SGCD: variants seen among roughly 807,000 people sequenced by gnomAD.
SGCD encodes the protein delta-sarcoglycan.
In SGCD, 18 loss-of-function variants were observed where a neutral mutation model predicts 36.6. The observed-to-expected ratio is 0.49, with a 90% CI of 0.34 to 0.73. The LOEUF is 0.73. Among genes scored for constraint, SGCD ranks in the 30% least tolerant of loss-of-function variants. SGCD has a pLI of 0.01. For synonymous variants in SGCD, 133 were observed against 130.6 expected (o/e 1.02, Z -0.12); for missense variants, 387 against 346.7 (o/e 1.12, Z -0.92).
intron 3 of SGCD, among the ~76,000 whole-genome samples, chr5:156,378,500 T>C (rs577883826): frequency 6.6e-6 from 1 of 152,160 alleles, no homozygotes; most frequent in Non-Finnish European, 1.5e-5. Context: ...GTTGTGTATT[T>C]TACCACAGTT....
At chr5:156,600,955 G>T (rs1761166026) in intron 6 of SGCD, among the ~76,000 whole-genome samples, 1 of 152,016 alleles carries the variant, frequency 6.6e-6, no homozygotes, top group Non-Finnish European at 1.5e-5. Flanking sequence ...TTGAACATTG[G>T]TATGTTTTTG....
At chr5:156,081,657 G>A (rs1236014267) in intron 1 of SGCD, among the ~76,000 whole-genome samples, 1 of 152,104 alleles carries the variant, frequency 6.6e-6, no homozygotes, top group Admixed American at 6.6e-5. Context: ...CCCCCACAAA[G>A]TGCCAGGATT....
chr5:155,915,604 T>A (rs1251041066), intron 1 of SGCD, among the ~76,000 whole-genome samples: 1 of 152,194 alleles, frequency 6.6e-6, no homozygotes, highest in East Asian at 1.9e-4. Context: ...TTTATACTCT[T>A]AAAAATTGAT....
chr5:155,918,745 C>T (rs1376398684), intron 1 of SGCD, among the ~76,000 whole-genome samples: 1 of 152,144 alleles, frequency 6.6e-6, no homozygotes, highest in Non-Finnish European at 1.5e-5. Flanking sequence ...CTGCCAATAG[C>T]CATTGGATTT....
At chr5:155,915,255 G>A (rs556776916) in intron 1 of SGCD, among the ~76,000 whole-genome samples, 3 of 152,198 alleles carry the variant, frequency 2.0e-5, no homozygotes, top group South Asian at 4.2e-4. Context: ...CAGATGTACT[G>A]TATATCTGTT....
rs376292546 is a variant in SGCD at position 156,243,670 on chromosome 5, C to T, written c.-43-85864C>T. Among the ~76,000 whole-genome samples, 12 of 152,278 alleles carry T rather than the reference C, an allele frequency of 7.9e-5. No individual in the cohort carries two copies. In the East Asian group the frequency reaches 2.3e-3, roughly 29 times the overall value. ...CAAATATTGATTTCTATATTCCTGT[C>T]TTTGCTGAAAGAACTAGGGGTCCCT... On this transcript the variant is annotated intron_variant, in intron 3 of 9. Transcript: ENST00000517913.
At chr5:156,318,893 G>A (rs1767590031) in intron 3 of SGCD, among the ~76,000 whole-genome samples, 1 of 152,152 alleles carries the variant, frequency 6.6e-6, no homozygotes, top group East Asian at 1.9e-4. Flanking sequence ...ACCGCATTTG[G>A]CCTCTTGGAT....
chr5:156,251,897 C>T (rs1402700175), intron 3 of SGCD, among the ~76,000 whole-genome samples: 1 of 152,082 alleles, frequency 6.6e-6, no homozygotes, highest in Non-Finnish European at 1.5e-5. Flanking sequence ...CTATAGTACT[C>T]CTCATTAACC....
chr5:156,133,395 A>C (rs1762373899), intron 3 of SGCD, among the ~76,000 whole-genome samples: 1 of 152,164 alleles, frequency 6.6e-6, no homozygotes, highest in South Asian at 2.1e-4. Context: ...TTTTTCACTT[A>C]TATATTCCAG....
chr5:155,828,821 G>A, the SGCD span, among the ~76,000 whole-genome samples: 1 of 151,972 alleles, frequency 6.6e-6, no homozygotes, highest in South Asian at 2.1e-4. Flanking sequence ...CAAGTAGCTG[G>A]GATGACAGGC....
chr5:156,147,634 T>A (rs1762735851), intron 3 of SGCD, among the ~76,000 whole-genome samples: 1 of 152,240 alleles, frequency 6.6e-6, no homozygotes, highest in South Asian at 2.1e-4. Context: ...ATCAGCTATC[T>A]TTATAATGCA....
At chr5:156,063,575 G>T (rs1466685548) in intron 1 of SGCD, among the ~76,000 whole-genome samples, 1 of 107,290 alleles carries the variant, frequency 9.3e-6, no homozygotes, top group Admixed American at 9.0e-5. Context: ...AGCATGGAAT[G>T]TTCTTCCATT....
At chr5:155,788,029 T>C in the SGCD span, among the ~76,000 whole-genome samples, 1 of 152,196 alleles carries the variant, frequency 6.6e-6, no homozygotes, top group African/African-American at 2.4e-5. Flanking sequence ...TTTAGAAAAC[T>C]TGCCTACCTT....
chr5:156,396,418 A>G (rs1053034538), intron 3 of SGCD, among the ~76,000 whole-genome samples: 4 of 152,098 alleles, frequency 2.6e-5, no homozygotes, highest in Non-Finnish European at 4.4e-5. Context: ...TTTTATTTAT[A>G]TATGTAGTTT....
intron 1 of SGCD, among the ~76,000 whole-genome samples, chr5:156,074,945 C>T (rs755680840): frequency 6.6e-6 from 1 of 152,226 alleles, no homozygotes; most frequent in Non-Finnish European, 1.5e-5. Context: ...CAGCTTCTAA[C>T]TTCAGTCATC....
intron 3 of SGCD, among the ~76,000 whole-genome samples, chr5:156,362,709 CT>C (rs1002981261): frequency 1.3e-5 from 2 of 152,088 alleles, no homozygotes; most frequent in Non-Finnish European, 2.9e-5. Flanking sequence ...CGTGGCTAGT[CT>C]CTGGGATGGA....
At chr5:156,148,472 A>G (rs1054893177) in intron 3 of SGCD, among the ~76,000 whole-genome samples, 2 of 152,096 alleles carry the variant, frequency 1.3e-5, no homozygotes, top group Non-Finnish European at 2.9e-5. Context: ...CCCAACCACC[A>G]TTCCACTCAA....
intron 3 of SGCD, among the ~76,000 whole-genome samples, chr5:156,285,337 T>C (rs1766564819): frequency 6.6e-6 from 1 of 152,168 alleles, no homozygotes; most frequent in Admixed American, 6.5e-5. Flanking sequence ...AAAGTTCATA[T>C]GGAACCCAAA....
intron 3 of SGCD, among the ~76,000 whole-genome samples, chr5:156,450,448 T>A (rs1753957090): frequency 6.6e-6 from 1 of 151,600 alleles, no homozygotes; most frequent in South Asian, 2.1e-4. Context: ...AAGCTGCATT[T>A]AAAAGTCATC....
Sources: allele counts gnomAD v4.1 joint callset (sites outside exome capture counted in the v4.1 genomes callset), GRCh38; gene constraint gnomAD v4.1.1; transcripts MANE v1.5; gene names NCBI Gene and HGNC (gene_info 2026-07-23, HGNC 2026-07-21).